Variants in SLC20A2 observed in about 807,000 individuals in gnomAD.
SLC20A2 encodes the protein sodium-dependent phosphate transporter 2.
A neutral mutation model predicts 61.0 loss-of-function variants in SLC20A2; 30 were observed. That is an observed-to-expected ratio of 0.49 (90% CI 0.37 to 0.67). The LOEUF (loss-of-function observed/expected upper bound fraction) is 0.67, where lower values mean the gene tolerates loss of function less well. Ranked by LOEUF, SLC20A2 falls within the 30% of genes least tolerant of loss-of-function variation. SLC20A2 has a pLI of 0.00. For synonymous variants in SLC20A2, 351 were observed against 353.3 expected (o/e 0.99, Z 0.07); for missense variants, 626 against 866.4 (o/e 0.72, Z 3.48).
chr8:42,509,607 T>A (rs536158273), intron 1 of SLC20A2, among the ~76,000 whole-genome samples: 14 of 151,954 alleles, frequency 9.2e-5, no homozygotes, highest in African/African-American at 3.4e-4. Context: ...ATAAAAAAAT[T>A]AGCGGGTGCA....
At chr8:42,528,115 G>A (rs1260858317) in intron 1 of SLC20A2, among the ~76,000 whole-genome samples, 2 of 152,060 alleles carry the variant, frequency 1.3e-5, no homozygotes, top group Non-Finnish European at 2.9e-5. Context: ...TGTTATTTTG[G>A]AAAAGGTGTA....
chr8:42,510,493 CCAAATCTTTTGATACACAGTATAAAA>C (rs1325473164), intron 1 of SLC20A2, among the ~76,000 whole-genome samples: 2 of 152,126 alleles, frequency 1.3e-5, no homozygotes, highest in African/African-American at 4.8e-5. Context: ...TGCTAATTGC[CCAAATCTTTTGATACACAGTATAAAA>C]TACTAATTTT....
At chr8:42,489,311 T>C (rs1004691353) in intron 1 of SLC20A2, among the ~76,000 whole-genome samples, 1 of 152,150 alleles carries the variant, frequency 6.6e-6, no homozygotes, top group East Asian at 1.9e-4. Context: ...CCAGTGTACC[T>C]TCTTTCCATT....
rs1488264816 is a variant in SLC20A2, at chr8:42,472,292, A to G, written c.99T>C (p.Phe33=). ...CCACACCAGAGCCCACGGCTGTACC[A>G]AAGGAGTTGGCAACATCGTTTGCAC... ...SVGANDVANS[F]GTAVGSGVVT... Residue 33 remains phenylalanine, a synonymous_variant, in exon 2 of 11, where the codon TTT becomes TTC. Coordinates refer to ENST00000520262, the MANE Select transcript of SLC20A2 (RefSeq NM_001257180.2). The surrounding 1 kb of genome is among the most constrained non-coding windows in gnomAD (Gnocchi z 4.1). 6 of 1,614,096 alleles carry G rather than the reference A, an allele frequency of 3.7e-6. No homozygotes were observed. Among genetic ancestry groups the G allele is most frequent in the Non-Finnish European group, 5.1e-6 (6 of 1,180,044 alleles).
At chr8:42,451,047 G>A (rs935320762) in intron 5 of SLC20A2, among the ~76,000 whole-genome samples, 1 of 152,142 alleles carries the variant, frequency 6.6e-6, no homozygotes, top group Admixed American at 6.6e-5. Flanking sequence ...TCTGAGTGCA[G>A]GGCTCCTTCT....
chr8:42,535,231 A>C (rs1812626886), intron 1 of SLC20A2: 2 of 152,142 alleles, frequency 1.3e-5, no homozygotes, highest in East Asian at 1.9e-4. Context: ...AGGCTTTAGG[A>C]GGCTTCCTGT....
chr8:42,505,304 T>C (rs1032869992), upstream of SLC20A2, among the ~76,000 whole-genome samples: 1 of 152,048 alleles, frequency 6.6e-6, no homozygotes, highest in African/African-American at 2.4e-5. Flanking sequence ...AGATGGAGTT[T>C]TGCTATGTTG....
chr8:42,511,234 C>T (rs1004231976), intron 1 of SLC20A2, among the ~76,000 whole-genome samples: 1 of 152,188 alleles, frequency 6.6e-6, no homozygotes, highest in African/African-American at 2.4e-5. Context: ...ATACTTGATA[C>T]CAATTTTCCA....
intron 1 of SLC20A2, among the ~76,000 whole-genome samples, chr8:42,497,323 A>G (rs1299329212): frequency 6.6e-6 from 1 of 152,156 alleles, no homozygotes; most frequent in African/African-American, 2.4e-5. Flanking sequence ...TTTGCATCTC[A>G]TCCAGCAGAC....
At chr8:42,539,688 T>C (rs1333079334) in intron 1 of SLC20A2, among the ~76,000 whole-genome samples, 1 of 152,226 alleles carries the variant, frequency 6.6e-6, no homozygotes, top group African/African-American at 2.4e-5. Flanking sequence ...TAATTAGGAA[T>C]GTCACTTAGA....
chr8:42,535,290 G>C (rs896612899), intron 1 of SLC20A2: 7 of 151,676 alleles, frequency 4.6e-5, no homozygotes, highest in African/African-American at 1.5e-4. Context: ...GCTGAAACTA[G>C]GTTTATCTCT....
intron 5 of SLC20A2, among the ~76,000 whole-genome samples, chr8:42,459,358 G>A (rs1806522837): frequency 6.6e-6 from 1 of 152,022 alleles, no homozygotes; most frequent in East Asian, 1.9e-4. Context: ...AACAAAGCAT[G>A]GCTTCTAGTC....
chr8:42,434,896 GTGTGAGTGCGCA>G (rs1433437640), intron 8 of SLC20A2, among the ~76,000 whole-genome samples: 3 of 151,802 alleles, frequency 2.0e-5, no homozygotes, highest in African/African-American at 4.9e-5. Flanking sequence ...GTGAGTGTGC[GTGTGAGTGCGCA>G]TGTGAGTGTG....
intron 5 of SLC20A2, among the ~76,000 whole-genome samples, chr8:42,452,296 G>C (rs1805789000): frequency 1.4e-5 from 2 of 147,760 alleles, no homozygotes; most frequent in African/African-American, 5.1e-5. Flanking sequence ...GGAAGAGATG[G>C]AGGAGGTGGA....
intron 1 of SLC20A2, among the ~76,000 whole-genome samples, chr8:42,508,581 G>A (rs1383387142): frequency 2.6e-5 from 4 of 151,980 alleles, no homozygotes; most frequent in Admixed American, 6.6e-5. Context: ...AGTAGAGATG[G>A]GGTTTCACCA....
In SLC20A2 at chr8:42,472,493, G is replaced by T; in HGVS notation, c.-103C>A. 9.2e-7 allele frequency: 1 copy of T among 1,082,928 alleles called. No homozygotes were observed. The highest frequency in any genetic ancestry group is 1.3e-6 in the Non-Finnish European group (1 of 758,578). The allele number at this position is 1,082,928 out of a possible 1,614,324, so 67.1% of individuals were successfully genotyped here. ...AAGGCCAAGAGTTCTTGTAAACAGTGAGTTTGCTCTGGAAAGTGCTGGACA... is the reference window on the plus strand; with the variant it reads ...AAGGCCAAGAGTTCTTGTAAACAGTTAGTTTGCTCTGGAAAGTGCTGGACA... On this transcript the variant is annotated 5_prime_UTR_variant, in exon 2 of 11. Transcript: ENST00000520262. This position sits in a 1 kb window ranked among gnomAD's most constrained non-coding sequence, Gnocchi z 4.1.
At chr8:42,506,243 G>A (rs535970951) in intron 1 of SLC20A2, among the ~76,000 whole-genome samples, 35 of 152,266 alleles carry the variant, frequency 2.3e-4, no homozygotes, top group East Asian at 5.8e-4. Flanking sequence ...CCTGGCCCAC[G>A]TTAGGAATTC....
chr8:42,438,086 A>AC (rs1804484806), intron 7 of SLC20A2, among the ~76,000 whole-genome samples: 1 of 150,028 alleles, frequency 6.7e-6, no homozygotes. Context: ...AAAAAAAAAA[A>AC]AAACATGGAA....
At chr8:42,513,650 C>T (rs1030794925) in intron 1 of SLC20A2, among the ~76,000 whole-genome samples, 1 of 152,160 alleles carries the variant, frequency 6.6e-6, no homozygotes, top group African/African-American at 2.4e-5. Flanking sequence ...GTTCATTTAT[C>T]CATCAGGCTC....
Sources: gnomAD v4.1 joint callset for allele counts (sites outside exome capture counted in the v4.1 genomes callset) on GRCh38, gnomAD v4.1.1 for gene constraint, Gnocchi (gnomAD v3.1) non-coding constraint, MANE v1.5 for transcripts, NCBI Gene and HGNC (gene_info 2026-07-23, HGNC 2026-07-21) for gene names.